PMPCB: variants seen among roughly 807,000 people sequenced by gnomAD.
PMPCB encodes the protein mitochondrial-processing peptidase subunit beta.
PMPCB carries 46 observed loss-of-function variants against 61.5 expected under a neutral mutation model. The ratio of observed to expected loss-of-function variants is 0.75; its 90% CI spans 0.59 to 0.96. The LOEUF (loss-of-function observed/expected upper bound fraction) is 0.96. Among genes scored for constraint, PMPCB ranks in the 40% least tolerant of loss-of-function variants. The pLI, the probability that PMPCB is intolerant of heterozygous loss-of-function variation, is 0.00. For missense variants in PMPCB, 590 were observed against 602.4 expected (o/e 0.98, Z 0.22); for synonymous variants, 191 against 201.6 (o/e 0.95, Z 0.44).
intron 3 of PMPCB, among the ~76,000 whole-genome samples, chr7:103,299,809 T>G (rs1463166062): frequency 6.6e-6 from 1 of 152,222 alleles, no homozygotes; most frequent in African/African-American, 2.4e-5. Context: ...CTGGCTCTGT[T>G]GCCTAGGCTG....
chr7:103,298,154 C>T (rs973797475), intron 1 of PMPCB, among the ~76,000 whole-genome samples: 1 of 152,008 alleles, frequency 6.6e-6, no homozygotes, highest in Non-Finnish European at 1.5e-5. Flanking sequence ...ATTTCCAAAC[C>T]CTGTTGCTTT....
At chr7:103,341,682 GT>G in the PMPCB span, 1 of 1,167,502 alleles carries the variant, frequency 8.6e-7, no homozygotes, top group African/African-American at 1.5e-5. Context: ...CTTAAAACAT[GT>G]TTATTAATGG....
intron 12 of PMPCB, among the ~76,000 whole-genome samples, chr7:103,325,390 T>C (rs770962594): frequency 1.3e-5 from 2 of 151,762 alleles, no homozygotes; most frequent in Non-Finnish European, 2.9e-5. Flanking sequence ...TGAGCCGAGA[T>C]TGTGCCACTG....
At chr7:103,317,448 G>C, downstream of PMPCB, 1 of 156,654 alleles carries the variant, frequency 6.4e-6, no homozygotes, top group East Asian at 1.9e-4. Flanking sequence ...CATTTACATT[G>C]TTCCTTCTAG....
At chr7:103,322,162 T>C (rs1818455734) in intron 12 of PMPCB, 1 of 1,085,042 alleles carries the variant, frequency 9.2e-7, no homozygotes, top group Non-Finnish European at 1.2e-6. Context: ...ATTTAAACTT[T>C]TAATAAATTA....
At chr7:103,298,523 G>C (rs750897163) in intron 1 of PMPCB, 45 bp from the exon 2 acceptor site, 1 of 1,576,364 alleles carries the variant, frequency 6.3e-7, no homozygotes, top group Non-Finnish European at 8.7e-7. Flanking sequence ...TATCAGATTA[G>C]TAATGTGTTT....
chr7:103,342,695 G>A, the PMPCB span, among the ~76,000 whole-genome samples: 3 of 148,106 alleles, frequency 2.0e-5, no homozygotes, highest in South Asian at 2.2e-4. Context: ...TGAAAGCTCC[G>A]CCTCCCGGGT....
chr7:103,338,144 C>T, the PMPCB span, among the ~76,000 whole-genome samples: 1 of 151,970 alleles, frequency 6.6e-6, no homozygotes, highest in African/African-American at 2.4e-5. Context: ...GTGGTGTGCA[C>T]CTGTAGTTCC....
intron 12 of PMPCB, chr7:103,323,586 T>G (rs991597082): frequency 2.5e-5 from 37 of 1,455,640 alleles, no homozygotes; most frequent in Admixed American, 9.6e-5. Flanking sequence ...TATTAATGAT[T>G]TGCATACATA....
chr7:103,341,944 G>C, the PMPCB span: 4 of 1,595,596 alleles, frequency 2.5e-6, no homozygotes, highest in Non-Finnish European at 2.6e-6. Flanking sequence ...CAACTTGACA[G>C]AGTGTAGAGG....
chr7:103,329,357 G>C (rs937125724), exon 13 of PMPCB: 1 of 156,736 alleles, frequency 6.4e-6, no homozygotes, highest in African/African-American at 2.4e-5. Flanking sequence ...TTCCGGCCAA[G>C]TCGGCTCTAG....
At chr7:103,337,493 C>CCA in the PMPCB span, 20 of 369,672 alleles carry the variant, frequency 5.4e-5, no homozygotes, top group East Asian at 2.3e-4. Context: ...TATTTTGTAT[C>CCA]CACACACACA....
Position 103,309,055 on chromosome 7 carries a change from C to T in PMPCB, c.953C>T (p.Thr318Met), listed in dbSNP as rs749797383. 2.8e-5 allele frequency: 45 copies of T among 1,604,442 alleles called. No individual in the cohort carries two copies. Among genetic ancestry groups the T allele is most frequent in the Admixed American group, 8.5e-5 (5 of 58,972 alleles). The part of the protein sequence containing the change: ...PDTICLMVAN[T>M]LIGNWDRSFG... ...ACAATCTGTCTCATGGTTGCAAACA[C>T]GCTGATTGGCAACTGGGATCGCTCT... The change falls in exon 8 of 13, where the codon ACG (threonine) becomes ATG (methionine). Residue 318 changes from threonine (T) to methionine (M), a missense_variant. By Grantham distance (81) the Thr-to-Met change is moderately conservative. Transcript: ENST00000249269.
the PMPCB span, among the ~76,000 whole-genome samples, chr7:103,345,735 C>T: frequency 5.3e-5 from 8 of 151,656 alleles, no homozygotes; most frequent in Admixed American, 1.3e-4. Context: ...GGATTAGAGG[C>T]GTGAGTCACT....
chr7:103,316,906 T>G, downstream of PMPCB: 14 of 1,614,098 alleles, frequency 8.7e-6, no homozygotes, highest in Non-Finnish European at 1.0e-5. Flanking sequence ...CAATTTTTAC[T>G]TCCATTTCCA....
downstream of PMPCB, among the ~76,000 whole-genome samples, chr7:103,317,607 A>T (rs572478470): frequency 2.0e-5 from 3 of 152,128 alleles, no homozygotes; most frequent in South Asian, 4.2e-4. Flanking sequence ...ACCTTGAAAA[A>T]TTTTTTTGAT....
At chr7:103,304,560 C>T (rs1817530380) in intron 6 of PMPCB, 70 bp downstream of exon 6, 2 of 1,000,500 alleles carry the variant, frequency 2.0e-6, no homozygotes, top group African/African-American at 1.6e-5. Context: ...TTAGTTTGAT[C>T]CTGTTGGGAG....
At chr7:103,321,072 C>A (rs1818378889) in intron 12 of PMPCB, among the ~76,000 whole-genome samples, 1 of 151,074 alleles carries the variant, frequency 6.6e-6, no homozygotes, top group Admixed American at 6.6e-5. Flanking sequence ...GTGGTATGCA[C>A]CTGTAATCCC....
At chr7:103,316,587 T>C (rs1422714735), downstream of PMPCB, 5 of 458,448 alleles carry the variant, frequency 1.1e-5, no homozygotes, top group Non-Finnish European at 1.9e-5. Flanking sequence ...AAATCAAGAC[T>C]TGTCTCATGA....
Sources: allele counts gnomAD v4.1 joint callset (sites outside exome capture counted in the v4.1 genomes callset), GRCh38; gene constraint gnomAD v4.1.1; transcripts MANE v1.5; gene names NCBI Gene and HGNC (gene_info 2026-07-23, HGNC 2026-07-21).